Variants in WNT7A observed in about 807,000 individuals in gnomAD.
The protein encoded by WNT7A is Wnt family member 7A, also known as protein Wnt-7a.
WNT7A carries 16 observed loss-of-function variants against 28.2 expected under a neutral mutation model. The ratio of observed to expected loss-of-function variants is 0.57; its 90% confidence interval spans 0.38 to 0.86. The LOEUF (loss-of-function observed/expected upper bound fraction) is 0.86, where lower values mean the gene tolerates loss of function less well. Ranked by LOEUF, WNT7A falls within the 40% of genes least tolerant of loss-of-function variation. WNT7A has a pLI of 0.00. For synonymous variants in WNT7A, 190 were observed against 195.9 expected (o/e 0.97, Z 0.25); for missense variants, 411 against 489.7 (o/e 0.84, Z 1.52).
intron 2 of WNT7A, among the ~76,000 whole-genome samples, chr3:13,873,242 G>A (rs1695052253): frequency 6.6e-6 from 1 of 152,008 alleles, no homozygotes; most frequent in South Asian, 2.1e-4. Context: ...GACGGTGCAA[G>A]GCAAAAGTCT....
At chr3:13,853,683 C>T (rs1694678145) in intron 3 of WNT7A, among the ~76,000 whole-genome samples, 1 of 152,246 alleles carries the variant, frequency 6.6e-6, no homozygotes, top group African/African-American at 2.4e-5. Context: ...GCAACAGCCA[C>T]AAGCCTCATG....
chr3:13,854,271 A>G (rs1482268680), intron 3 of WNT7A, among the ~76,000 whole-genome samples: 2 of 152,112 alleles, frequency 1.3e-5, no homozygotes. Context: ...AAGAGTTCAC[A>G]TCTGTCCCTC....
chr3:13,875,276 C>T, intron 1 of WNT7A, 103 bp from the exon 2 acceptor site: 1 of 1,198,122 alleles, frequency 8.3e-7, no homozygotes, highest in South Asian at 1.3e-5. Context: ...CTGCCCCCAG[C>T]AGTGGTCTCC....
chr3:13,862,044 C>T (rs1694839721), intron 2 of WNT7A, among the ~76,000 whole-genome samples: 1 of 152,250 alleles, frequency 6.6e-6, no homozygotes, highest in South Asian at 2.1e-4. Flanking sequence ...GTCTACTTCT[C>T]ATTCACTGGG....
chr3:13,876,485 T>G (rs1215008246), intron 1 of WNT7A, among the ~76,000 whole-genome samples: 3 of 152,138 alleles, frequency 2.0e-5, no homozygotes, highest in Non-Finnish European at 4.4e-5. Flanking sequence ...AGGTTAGGGT[T>G]GGTGGTGGCT....
intron 3 of WNT7A, among the ~76,000 whole-genome samples, chr3:13,821,174 G>A (rs1309006294): frequency 5.9e-5 from 9 of 152,212 alleles, no homozygotes; most frequent in Admixed American, 5.2e-4. Context: ...CACAATTGGG[G>A]GCAGAGTGAG....
chr3:13,858,082 G>T (rs890124096), intron 2 of WNT7A, among the ~76,000 whole-genome samples: 1 of 152,298 alleles, frequency 6.6e-6, no homozygotes, highest in South Asian at 2.1e-4. Flanking sequence ...GCTTGCCTGG[G>T]ACACCCAACA....
At chr3:13,866,938 T>C (rs1694920301) in intron 2 of WNT7A, among the ~76,000 whole-genome samples, 1 of 152,014 alleles carries the variant, frequency 6.6e-6, no homozygotes, top group Non-Finnish European at 1.5e-5. Flanking sequence ...GAGGTGGTGG[T>C]GAAGGTGGTG....
chr3:13,870,425 G>A (rs1378499194), intron 2 of WNT7A, among the ~76,000 whole-genome samples: 2 of 152,176 alleles, frequency 1.3e-5, no homozygotes, highest in South Asian at 2.1e-4. Flanking sequence ...GATGGCAGAC[G>A]TCCAGCTTCT....
intron 3 of WNT7A, among the ~76,000 whole-genome samples, chr3:13,827,360 T>A (rs1206564923): frequency 1.3e-5 from 2 of 152,116 alleles, no homozygotes; most frequent in Non-Finnish European, 2.9e-5. Flanking sequence ...CCCAAACCTG[T>A]CTGGAGCAGC....
rs565743969 is a variant in WNT7A, at chr3:13,823,928, C to G, written c.571-4505G>C. Among the ~76,000 whole-genome samples, 174 of 152,280 alleles carry G rather than the reference C, an allele frequency of 1.1e-3. 1 individual carries two copies. Among genetic ancestry groups the G allele is most frequent in the African/African-American group, 4.1e-3 (172 of 41,548 alleles). ...GTCACAGCTCCTGCTGGGAAGTCCT[C>G]TCTATACAGCCCCCGGATTCTAGCA... On this transcript the variant is annotated intron_variant, in intron 3 of 3. Transcript: ENST00000285018.
At chr3:13,856,630 C>T (rs1447519871) in intron 2 of WNT7A, among the ~76,000 whole-genome samples, 1 of 152,036 alleles carries the variant, frequency 6.6e-6, no homozygotes, top group Non-Finnish European at 1.5e-5. Flanking sequence ...CCAGCCTGGC[C>T]AACATGGTGA....
At chr3:13,850,086 G>A (rs1050173534) in intron 3 of WNT7A, among the ~76,000 whole-genome samples, 2 of 152,270 alleles carry the variant, frequency 1.3e-5, no homozygotes, top group African/African-American at 2.4e-5. Context: ...CAAGTCCCCT[G>A]AGTCCTGGCT....
In WNT7A at chr3:13,817,333, A is replaced by G. The variant is rs1387491282; in HGVS notation, c.*1611T>C. 1 of 152,180 alleles carries G rather than the reference A, an allele frequency of 6.6e-6. No individual in the cohort carries two copies. Among genetic ancestry groups the G allele is most frequent in the African/African-American group, 2.4e-5 (1 of 41,412 alleles). 9.4% of individuals were successfully genotyped at this position (152,180 alleles called of 1,614,324 possible). ...GAAACAGACGCTTGGGTAGCACGGA[A>G]ACACACAGACACATACACACACGAG... On this transcript the variant is annotated 3_prime_UTR_variant, in exon 4 of 4. Coordinates refer to ENST00000285018, the MANE Select transcript of WNT7A (RefSeq NM_004625.4).
intron 2 of WNT7A, among the ~76,000 whole-genome samples, chr3:13,869,409 GGAAA>G (rs1694992876): frequency 7.7e-6 from 1 of 129,600 alleles, no homozygotes; most frequent in Non-Finnish European, 1.6e-5. Context: ...GAAAGAGAAA[GGAAA>G]GAAAGAAACA....
intron 3 of WNT7A, among the ~76,000 whole-genome samples, chr3:13,852,620 G>A (rs965090813): frequency 1.3e-5 from 2 of 152,162 alleles, no homozygotes; most frequent in Non-Finnish European, 2.9e-5. Context: ...GCCCTCGTCG[G>A]GGCCCTTGGG....
chr3:13,832,446 C>G lies in WNT7A; in HGVS notation c.571-13023G>C, dbSNP rs1350016403. Among the ~76,000 whole-genome samples, 6 of 149,216 alleles carry G rather than the reference C, an allele frequency of 4.0e-5. No homozygotes were observed. In the East Asian group the frequency reaches 8.3e-4, roughly 21 times the overall value. ...GGCTCCTCCTCTTTCTCAAGCTTCT[C>G]CTTCTTCCCAAGCTTCTCCTGCTCT... On this transcript the variant is annotated intron_variant, in intron 3 of 3. Transcript: ENST00000285018.
At chr3:13,832,734 C>T (rs1041048288) in intron 3 of WNT7A, among the ~76,000 whole-genome samples, 2 of 151,842 alleles carry the variant, frequency 1.3e-5, no homozygotes, top group African/African-American at 4.8e-5. Flanking sequence ...TGACTTCAAG[C>T]AAATATTCCT....
At position 13,880,067 on chromosome 3, in the gene WNT7A, A is replaced by C. The variant is rs1428447233; in HGVS notation, c.-251T>G. 6.0e-6 allele frequency: 2 copies of C among 331,920 alleles called. No homozygotes were observed. The highest frequency in any genetic ancestry group is 4.3e-5 in the African/African-American group (2 of 46,186). The allele number at this position is 331,920 out of a possible 1,614,324, so 20.6% of individuals were successfully genotyped here. A position where few individuals can be genotyped will look rare whatever the true frequency, so the allele number is the denominator to read the frequency against. On this transcript the variant is annotated 5_prime_UTR_variant, in exon 1 of 4. Coordinates refer to ENST00000285018, the MANE Select transcript of WNT7A (RefSeq NM_004625.4). ...GGGCTGCGCGCGAGCGACCGGTGCA[A>C]GTGTGCGAGACGCGGGGAGTGCGGG...
Sources: gnomAD v4.1 joint callset for allele counts (sites outside exome capture counted in the v4.1 genomes callset) on GRCh38, gnomAD v4.1.1 for gene constraint, MANE v1.5 for transcripts, NCBI Gene and HGNC (gene_info 2026-07-23, HGNC 2026-07-21) for gene names.